The following DPP10 variants were observed in gnomAD, a reference collection of about 807,000 sequenced individuals.
The protein encoded by DPP10 is inactive dipeptidyl peptidase 10.
In DPP10, 33 loss-of-function variants were observed where a neutral mutation model predicts 120.9. The observed-to-expected ratio is 0.27, with a 90% confidence interval of 0.21 to 0.37. The LOEUF (loss-of-function observed/expected upper bound fraction) is 0.37. Among genes scored for constraint, DPP10 ranks in the 10% least tolerant of loss-of-function variants. The pLI is 1.00. For synonymous variants in DPP10, 337 were observed against 326.1 expected (o/e 1.03, Z -0.36); for missense variants, 816 against 942.8 (o/e 0.87, Z 1.76).
chr2:114,557,414 A>G (rs888867840), intron 1 of DPP10, among the ~76,000 whole-genome samples: 1 of 152,228 alleles, frequency 6.6e-6, no homozygotes, highest in Non-Finnish European at 1.5e-5. Context: ...GACTCGGGAC[A>G]TAGAAGAGGC....
At chr2:114,504,439 T>A (rs1683457633) in intron 1 of DPP10, among the ~76,000 whole-genome samples, 1 of 152,266 alleles carries the variant, frequency 6.6e-6, no homozygotes, top group East Asian at 1.9e-4. Context: ...CTCCTTATCA[T>A]GAAAAGTACT....
At chr2:115,768,624 ATG>A (rs1681083851) in intron 13 of DPP10, among the ~76,000 whole-genome samples, 1 of 152,178 alleles carries the variant, frequency 6.6e-6, no homozygotes, top group South Asian at 2.1e-4. Context: ...AATGAGTTAC[ATG>A]TGTGTCCTAT....
chr2:114,881,457 G>GTCTGTCTA (rs140898800), intron 1 of DPP10, among the ~76,000 whole-genome samples: 79 of 144,336 alleles, frequency 5.5e-4, no homozygotes, highest in African/African-American at 1.3e-3. Context: ...CTGTCTGTCT[G>GTCTGTCTA]TCTATCTATC....
chr2:115,016,147 C>A (rs931939393), intron 1 of DPP10, among the ~76,000 whole-genome samples: 1 of 152,104 alleles, frequency 6.6e-6, no homozygotes, highest in African/African-American at 2.4e-5. Context: ...GGTACCAAAA[C>A]AGATATATAG....
At chr2:114,760,323 C>A (rs1326037021) in intron 1 of DPP10, among the ~76,000 whole-genome samples, 2 of 152,110 alleles carry the variant, frequency 1.3e-5, no homozygotes, top group African/African-American at 4.8e-5. Flanking sequence ...TGGCGTGCAT[C>A]CCCCAGCCAA....
At chr2:114,873,044 A>C (rs781650408) in intron 1 of DPP10, among the ~76,000 whole-genome samples, 1 of 152,188 alleles carries the variant, frequency 6.6e-6, no homozygotes, top group African/African-American at 2.4e-5. Context: ...TTTTCAAAAG[A>C]AATAAACATG....
chr2:115,300,668 T>G (rs2061085754), intron 1 of DPP10, among the ~76,000 whole-genome samples: 1 of 152,046 alleles, frequency 6.6e-6, no homozygotes, highest in Non-Finnish European at 1.5e-5. Flanking sequence ...TATCACAATA[T>G]GAATTCCCAG....
At chr2:115,089,174 C>T (rs2104548295) in intron 1 of DPP10, among the ~76,000 whole-genome samples, 1 of 152,212 alleles carries the variant, frequency 6.6e-6, no homozygotes, top group East Asian at 1.9e-4. Flanking sequence ...CTTCTGCTTT[C>T]ATTGTTTTTC....
intron 7 of DPP10, among the ~76,000 whole-genome samples, chr2:115,720,545 C>T (rs188102349): frequency 5.7e-4 from 87 of 152,066 alleles, no homozygotes; most frequent in Middle Eastern, 3.4e-3. Context: ...CTTATTCTTA[C>T]AATATCTCTG....
intron 5 of DPP10, among the ~76,000 whole-genome samples, chr2:115,592,303 G>T (rs2082709120): frequency 6.6e-6 from 1 of 152,158 alleles, no homozygotes. Flanking sequence ...GAAAGGAAGA[G>T]GCTTGACTGG....
At chr2:115,665,847 T>G (rs1032491864) in intron 5 of DPP10, among the ~76,000 whole-genome samples, 3 of 152,182 alleles carry the variant, frequency 2.0e-5, no homozygotes, top group Non-Finnish European at 4.4e-5. Context: ...TATATTTCTG[T>G]TTTTTATTTT....
At chr2:115,595,607 T>A (rs2082939113) in intron 5 of DPP10, among the ~76,000 whole-genome samples, 1 of 152,126 alleles carries the variant, frequency 6.6e-6, no homozygotes, top group South Asian at 2.1e-4. Context: ...CTTTAAATTT[T>A]AGCCAACTTG....
At chr2:114,517,118 C>A (rs1286223793) in intron 1 of DPP10, among the ~76,000 whole-genome samples, 1 of 152,002 alleles carries the variant, frequency 6.6e-6, no homozygotes, top group African/African-American at 2.4e-5. Context: ...GTTTCCATTG[C>A]AGATTGATAT....
chr2:115,811,751 T>G (rs1686671937), intron 19 of DPP10, among the ~76,000 whole-genome samples: 1 of 152,208 alleles, frequency 6.6e-6, no homozygotes, highest in African/African-American at 2.4e-5. Flanking sequence ...TTTTTTTATA[T>G]CCTTGTAAGG....
intron 1 of DPP10, among the ~76,000 whole-genome samples, chr2:114,658,966 G>C (rs551747084): frequency 2.0e-5 from 3 of 152,224 alleles, no homozygotes; most frequent in Admixed American, 6.5e-5. Context: ...TGCCGTTCTC[G>C]TGATGGTGAG....
At chr2:114,786,911 TCCCGACCCCTC>T in intron 1 of DPP10, among the ~76,000 whole-genome samples, 1 of 152,186 alleles carries the variant, frequency 6.6e-6, no homozygotes, top group Non-Finnish European at 1.5e-5. Flanking sequence ...ATTGGAACAA[TCCCGACCCCTC>T]CCCTGGTGTC....
At chr2:115,432,278 C>A (rs2071063824) in intron 3 of DPP10, among the ~76,000 whole-genome samples, 1 of 151,992 alleles carries the variant, frequency 6.6e-6, no homozygotes, top group South Asian at 2.1e-4. Flanking sequence ...TTTATTTAAG[C>A]TATTATGAGC....
At chr2:114,572,220 C>G (rs565643544) in intron 1 of DPP10, among the ~76,000 whole-genome samples, 1 of 151,846 alleles carries the variant, frequency 6.6e-6, no homozygotes, top group East Asian at 1.9e-4. Flanking sequence ...AAAGATAATA[C>G]AGTTGGAAGT....
chr2:114,571,966 A>G (rs1689689628), intron 1 of DPP10, among the ~76,000 whole-genome samples: 1 of 148,798 alleles, frequency 6.7e-6, no homozygotes, highest in East Asian at 1.9e-4. Context: ...TATATTGTGT[A>G]TATATTATGT....
Sources: allele counts gnomAD v4.1 joint callset (sites outside exome capture counted in the v4.1 genomes callset), GRCh38; gene constraint gnomAD v4.1.1; transcripts MANE v1.5; gene names NCBI Gene and HGNC (gene_info 2026-07-23, HGNC 2026-07-21).